Variants in TNPO3 observed in about 807,000 individuals in gnomAD.
TNPO3 encodes the protein transportin-3.
TNPO3 carries 65 observed loss-of-function variants against 122.8 expected under a neutral mutation model. The observed-to-expected ratio is 0.53, with a 90% CI of 0.43 to 0.65. The LOEUF (loss-of-function observed/expected upper bound fraction) is 0.65, where lower values mean the gene tolerates loss of function less well. TNPO3 is among the 30% of genes least tolerant of loss of function. The pLI, the probability that TNPO3 is intolerant of heterozygous loss-of-function variation, is 0.00. For missense variants in TNPO3, 850 were observed against 1,136.7 expected, an observed-to-expected ratio of 0.75 and a Z score of 3.63; for synonymous variants, 372 against 411.2, an observed-to-expected ratio of 0.90 and a Z score of 1.15.
At chr7:128,974,549 C>T (rs187637693) in intron 18 of TNPO3, among the ~76,000 whole-genome samples, 419 of 152,088 alleles carry the variant, frequency 2.8e-3, no homozygotes, top group Middle Eastern at 0.014. Context: ...AACATGAAAT[C>T]GCAACAGCAC....
chr7:128,967,958 A>G (rs1798084722), intron 20 of TNPO3, among the ~76,000 whole-genome samples: 4 of 152,056 alleles, frequency 2.6e-5, no homozygotes, highest in Admixed American at 2.6e-4. Flanking sequence ...GAGTCTTTCT[A>G]TGTTGCCCAG....
Position 129,013,096 on chromosome 7 carries a change from G to C in TNPO3, c.552+1883C>G, listed in dbSNP as rs73463063. Among the ~76,000 whole-genome samples the C allele has an allele frequency of 1.6e-4, 24 of 152,260 alleles. No homozygotes were observed. In the South Asian group the frequency reaches 4.8e-3, roughly 30 times the overall value. ...CTATCACCTTTCAGTTCATCTTTAA[G>C]AGACAATCCTTTCTTTTATCTCTCA... On this transcript the variant is annotated intron_variant, in intron 4 of 22. Transcript: ENST00000265388.
At chr7:129,034,894 C>CAAAAAA (rs1219082555) in intron 1 of TNPO3, among the ~76,000 whole-genome samples, 2 of 48,386 alleles carry the variant, frequency 4.1e-5, no homozygotes, top group African/African-American at 7.7e-5. Flanking sequence ...GACTCTGTCT[C>CAAAAAA]AAAAAAAAAA....
At position 128,986,672 on chromosome 7, in the gene TNPO3, GA is replaced by G. The variant is rs1049067231; in HGVS notation, c.1690+56del. On this transcript the variant is annotated intron_variant, in intron 12 of 22. Coordinates refer to ENST00000265388, the MANE Select transcript of TNPO3 (RefSeq NM_012470.4). ...AAAAACTGGGATATGACAGATGTAA[GA>G]TTACCCCAGGTAGTGGCTTTGAGGT... 7.8e-5 allele frequency: 115 copies of G among 1,479,902 alleles called. No homozygotes were observed. In the African/African-American group the frequency reaches 1.4e-3, roughly 19 times the overall value. 91.7% of individuals were successfully genotyped at this position (1,479,902 alleles called of 1,614,324 possible).
chr7:129,041,329 T>C (rs1807358736), intron 1 of TNPO3, among the ~76,000 whole-genome samples: 1 of 152,178 alleles, frequency 6.6e-6, no homozygotes, highest in African/African-American at 2.4e-5. Context: ...ACCACTGCCC[T>C]CCAGCCTGGG....
Position 129,017,950 on chromosome 7 carries a change from G to C in TNPO3, c.321+7C>G. 6.2e-7 allele frequency: 1 copy of C among 1,613,804 alleles called. No homozygotes were observed. On this transcript the variant is annotated splice_region_variant and intron_variant, in intron 2 of 22. Coordinates refer to ENST00000265388, the MANE Select transcript of TNPO3 (RefSeq NM_012470.4). ...CAAATTTCTCTAATGAGAAGCACAG[G>C]ATTTACCTGCGTTACAATAACAGGT...
rs1474021960 is a variant in TNPO3 at position 129,045,520 on chromosome 7, C to T, written c.120+9131G>A. 8.1e-5 allele frequency among the ~76,000 whole-genome samples: 12 copies of T among 147,270 alleles called. No individual in the cohort carries two copies. In the East Asian group the frequency reaches 2.2e-3, roughly 27 times the overall value. On this transcript the variant is annotated intron_variant, in intron 1 of 22. Transcript: ENST00000265388. ...CAGAAAAAAAAAAAACGTTAAAATGCTAAATTTATGTTTTGAATGTTTTGC... is the reference window on the plus strand; with the variant it reads ...CAGAAAAAAAAAAAACGTTAAAATGTTAAATTTATGTTTTGAATGTTTTGC...
intron 11 of TNPO3, among the ~76,000 whole-genome samples, chr7:128,987,564 GA>G (rs1318074214): frequency 5.9e-5 from 9 of 151,816 alleles, no homozygotes; most frequent in African/African-American, 2.2e-4. Flanking sequence ...TTTTCTATAG[GA>G]AAAAAACCTT....
At chr7:129,027,582 A>AAAAAAAAAAAAAAAAAAAAAAAAAAAAAT (rs1805374320) in intron 1 of TNPO3, among the ~76,000 whole-genome samples, 1 of 138,950 alleles carries the variant, frequency 7.2e-6, no homozygotes, top group African/African-American at 2.6e-5. Flanking sequence ...AAAAAAAAAA[A>AAAAAAAAAAAAAAAAAAAAAAAAAAAAAT]AAAAAAAAAC....
chr7:129,035,623 A>G (rs1806553439), intron 1 of TNPO3, among the ~76,000 whole-genome samples: 1 of 152,140 alleles, frequency 6.6e-6, no homozygotes, highest in Non-Finnish European at 1.5e-5. Flanking sequence ...CGGGGGGAAA[A>G]AAAAAGCAAA....
chr7:129,007,165 A>G (rs1012200139), intron 4 of TNPO3, among the ~76,000 whole-genome samples: 2 of 152,212 alleles, frequency 1.3e-5, no homozygotes, highest in Non-Finnish European at 2.9e-5. Flanking sequence ...TATGAAACAG[A>G]TACTATTATC....
chr7:129,036,098 C>T lies in TNPO3; in HGVS notation c.121-17941G>A, dbSNP rs192093397. On this transcript the variant is annotated intron_variant, in intron 1 of 22. Transcript: ENST00000265388. Reference sequence around the variant, plus strand: ...CCTCCCGAGTAGCTGGGACTCCAGGCGCCTGCCACCACACCCGGCTAATTT... The same window carrying T: ...CCTCCCGAGTAGCTGGGACTCCAGGTGCCTGCCACCACACCCGGCTAATTT... Among the ~76,000 whole-genome samples the T allele has an allele frequency of 4.4e-3, 667 of 151,776 alleles. 5 individuals are homozygous for T. The South Asian group carries it at 0.044, about 10-fold the overall frequency.
At position 128,986,786 on chromosome 7, in the gene TNPO3, C is replaced by A; in HGVS notation, c.1633G>T (p.Ala545Ser). ...AACAGGAAGGAATCGAGGGAGCGGG[C>A]AATCTCCAGGAGTCCATTAAAGTGC... ...AQHFNGLLEIARSLDSFLLSP... is the reference protein window; with the variant it reads ...AQHFNGLLEISRSLDSFLLSP... Residue 545 changes from alanine to serine, a missense_variant, in exon 12 of 23, where the codon GCC becomes TCC. Ala to Ser is a moderately conservative substitution (Grantham distance 99). Transcript: ENST00000265388. 6.2e-7 allele frequency: 1 copy of A among 1,613,974 alleles called. No individual in the cohort carries two copies. The highest frequency in any genetic ancestry group is 8.5e-7 in the Non-Finnish European group (1 of 1,179,938).
intron 21 of TNPO3, among the ~76,000 whole-genome samples, chr7:128,963,092 CA>C (rs1797622420): frequency 6.6e-6 from 1 of 152,144 alleles, no homozygotes; most frequent in Non-Finnish European, 1.5e-5. Context: ...GTTTCTCCTC[CA>C]AGGAGAAAGG....
At chr7:129,048,812 C>T (rs1563114567) in intron 1 of TNPO3, among the ~76,000 whole-genome samples, 1 of 152,158 alleles carries the variant, frequency 6.6e-6, no homozygotes, top group Admixed American at 6.5e-5. Flanking sequence ...TGCATGTATG[C>T]ACTTCTGACA....
intron 18 of TNPO3, among the ~76,000 whole-genome samples, chr7:128,973,038 T>G (rs1178823932): frequency 6.6e-6 from 1 of 152,158 alleles, no homozygotes; most frequent in African/African-American, 2.4e-5. Flanking sequence ...ATTAGTATAT[T>G]AAAAGACGTG....
intron 1 of TNPO3, among the ~76,000 whole-genome samples, chr7:129,025,699 C>CA (rs60086303): frequency 0.59 from 89,903 of 151,772 alleles, 26,810 homozygotes; most frequent in South Asian, 0.62. Context: ...AGGTGTGAGC[C>CA]CTGTGCTCAA....
At chr7:128,969,414 C>T (rs1236598537) in intron 20 of TNPO3, among the ~76,000 whole-genome samples, 1 of 152,016 alleles carries the variant, frequency 6.6e-6, no homozygotes, top group Non-Finnish European at 1.5e-5. Context: ...TTCTGTGGTT[C>T]TGTAAGACAG....
chr7:128,961,389 G>A (rs924187101), intron 21 of TNPO3, among the ~76,000 whole-genome samples: 10 of 152,120 alleles, frequency 6.6e-5, no homozygotes, highest in Admixed American at 2.6e-4. Flanking sequence ...CTGCTATACA[G>A]GTTTGTAGCC....
Sources: allele counts gnomAD v4.1 joint callset (sites outside exome capture counted in the v4.1 genomes callset), GRCh38; gene constraint gnomAD v4.1.1; transcripts MANE v1.5; gene names NCBI Gene and HGNC (gene_info 2026-07-23, HGNC 2026-07-21).